The following TMEFF1 variants were observed in gnomAD, a reference collection of about 807,000 sequenced individuals.
TMEFF1 encodes the protein transmembrane protein with EGF like and two follistatin like domains 1.
A neutral mutation model predicts 47.5 loss-of-function variants in TMEFF1; 20 were observed. That is an observed-to-expected ratio of 0.42 (90% CI 0.30 to 0.61). The LOEUF is 0.61. Ranked by LOEUF, TMEFF1 falls within the 20% of genes least tolerant of loss-of-function variation. The pLI is 0.19. For missense variants in TMEFF1, 411 were observed against 471.1 expected (o/e 0.87, Z 1.18); for synonymous variants, 162 against 166.3 (o/e 0.97, Z 0.20).
intron 5 of TMEFF1, among the ~76,000 whole-genome samples, chr9:100,530,958 G>T (rs1337915536): frequency 6.6e-6 from 1 of 151,762 alleles, no homozygotes; most frequent in Non-Finnish European, 1.5e-5. Context: ...ATGTAATCCA[G>T]CATATAAACA....
At chr9:100,508,513 G>C (rs368484849) in intron 2 of TMEFF1, among the ~76,000 whole-genome samples, 1 of 151,018 alleles carries the variant, frequency 6.6e-6, no homozygotes, top group Non-Finnish European at 1.5e-5. Flanking sequence ...TTTCCTACTC[G>C]TATGACTCTC....
chr9:100,547,250 A>G (rs995346893), intron 5 of TMEFF1, among the ~76,000 whole-genome samples: 1 of 152,078 alleles, frequency 6.6e-6, no homozygotes, highest in African/African-American at 2.4e-5. Context: ...TCCTGGGCTC[A>G]AGTGATTCTC....
Position 100,473,580 on chromosome 9 carries a change from G to T in TMEFF1, c.36G>T (p.Leu12=), listed in dbSNP as rs903749769. The part of the protein sequence containing the change: ...GAAAAEAPLR[L]PAAPPLAFCC... ...CAGCCGCTGAGGCGCCGCTCCGGCT[G>T]CCTGCCGCGCCTCCGCTCGCCTTCT... Residue 12 remains leucine, a synonymous_variant, in exon 1 of 10, where the codon CTG becomes CTT. Coordinates refer to ENST00000374879, the MANE Select transcript of TMEFF1 (RefSeq NM_003692.5). The surrounding 1 kb of genome is among the most constrained non-coding windows in gnomAD (Gnocchi z 5.4). 1.9e-6 allele frequency: 3 copies of T among 1,547,424 alleles called. No homozygotes were observed. Among genetic ancestry groups the T allele is most frequent in the Middle Eastern group, 1.8e-4 (1 of 5,546 alleles).
At chr9:100,502,445 G>A (rs1297217470) in intron 2 of TMEFF1, among the ~76,000 whole-genome samples, 2 of 151,846 alleles carry the variant, frequency 1.3e-5, no homozygotes, top group Non-Finnish European at 2.9e-5. Flanking sequence ...CTGTAGCCTT[G>A]ACCTCCTGGG....
rs988382466 is a variant in TMEFF1, at chr9:100,533,944, C to G, written c.561-13800C>G. Among the ~76,000 whole-genome samples, 6 of 152,210 alleles carry G rather than the reference C, an allele frequency of 3.9e-5. No individual in the cohort carries two copies. The South Asian group carries it at 1.0e-3, about 26-fold the overall frequency. On this transcript the variant is annotated intron_variant, in intron 5 of 9. Coordinates refer to ENST00000374879, the MANE Select transcript of TMEFF1 (RefSeq NM_003692.5). ...ATGTTGGCCAGGATGGTCTTGATCT[C>G]CTGACCTCATGATCCACCCACCTCG...
chr9:100,555,845 A>G lies in TMEFF1; in HGVS notation c.776-5552A>G, dbSNP rs375868655. ...TTAATTGAGTGCCCTACTATGTGCC[A>G]GGTGCTTTCACATATTTATGTTATT... On this transcript the variant is annotated intron_variant, in intron 7 of 9. Transcript: ENST00000374879. Among the ~76,000 whole-genome samples, 154 of 152,294 alleles carry G rather than the reference A, an allele frequency of 1.0e-3. 1 individual carries two copies. Among genetic ancestry groups the G allele is most frequent in the African/African-American group, 3.5e-3 (147 of 41,566 alleles).
intron 1 of TMEFF1, among the ~76,000 whole-genome samples, chr9:100,482,991 A>C (rs1337297691): frequency 6.6e-6 from 1 of 150,588 alleles, no homozygotes. Flanking sequence ...TTTTTTTCTT[A>C]ATTTTATCCC....
chr9:100,519,541 AGT>A (rs1022741786), intron 5 of TMEFF1, among the ~76,000 whole-genome samples: 21 of 151,694 alleles, frequency 1.4e-4, no homozygotes, highest in African/African-American at 4.6e-4. Context: ...TTAATAGTAC[AGT>A]GCTTTTCTTA....
At chr9:100,484,130 G>A (rs1240266568) in intron 1 of TMEFF1, among the ~76,000 whole-genome samples, 2 of 150,560 alleles carry the variant, frequency 1.3e-5, no homozygotes, top group Non-Finnish European at 3.0e-5. Flanking sequence ...TTAGGTGTTG[G>A]GATTTGTCTC....
At chr9:100,501,834 G>A (rs890709249) in intron 2 of TMEFF1, among the ~76,000 whole-genome samples, 2 of 152,024 alleles carry the variant, frequency 1.3e-5, no homozygotes, top group African/African-American at 4.8e-5. Flanking sequence ...TAGTAGAGAC[G>A]GGATTTCACC....
chr9:100,530,272 C>G (rs1210374332), intron 5 of TMEFF1, among the ~76,000 whole-genome samples: 1 of 152,054 alleles, frequency 6.6e-6, no homozygotes, highest in Non-Finnish European at 1.5e-5. Context: ...ACAAAAAACC[C>G]TTCAAAAAAT....
At chr9:100,509,804 C>T (rs952419457) in intron 3 of TMEFF1, among the ~76,000 whole-genome samples, 4 of 150,320 alleles carry the variant, frequency 2.7e-5, no homozygotes, top group Non-Finnish European at 3.0e-5. Context: ...TGAGGAATTT[C>T]TGTAGAAAGT....
chr9:100,519,440 A>T (rs927272643), intron 5 of TMEFF1, among the ~76,000 whole-genome samples: 6 of 151,844 alleles, frequency 4.0e-5, no homozygotes, highest in Non-Finnish European at 7.4e-5. Context: ...TAAATAATAA[A>T]AAATTTATCT....
intron 8 of TMEFF1, among the ~76,000 whole-genome samples, chr9:100,561,747 A>G (rs1839020277): frequency 6.6e-6 from 1 of 152,064 alleles, no homozygotes; most frequent in Admixed American, 6.5e-5. Flanking sequence ...TAAATATAAT[A>G]CTATACATTT....
At chr9:100,532,374 T>C (rs1838401461) in intron 5 of TMEFF1, among the ~76,000 whole-genome samples, 1 of 152,018 alleles carries the variant, frequency 6.6e-6, no homozygotes, top group South Asian at 2.1e-4. Flanking sequence ...GAATCTACAA[T>C]GAACTCCAAC....
At chr9:100,554,143 T>G (rs1055001246) in intron 7 of TMEFF1, among the ~76,000 whole-genome samples, 1 of 152,202 alleles carries the variant, frequency 6.6e-6, no homozygotes, top group Non-Finnish European at 1.5e-5. Context: ...TCTCTCCTCC[T>G]GCAGCTGGCC....
chr9:100,571,186 G>T (rs1407542147), intron 8 of TMEFF1, among the ~76,000 whole-genome samples: 1 of 151,984 alleles, frequency 6.6e-6, no homozygotes, highest in Non-Finnish European at 1.5e-5. Flanking sequence ...ATAATTTGGT[G>T]CTATGTTCAG....
chr9:100,557,481 T>C (rs1044461820), intron 7 of TMEFF1, among the ~76,000 whole-genome samples: 6 of 152,202 alleles, frequency 3.9e-5, no homozygotes, highest in African/African-American at 1.4e-4. Context: ...CTTTGACATA[T>C]ACCCTTCGCC....
chr9:100,544,297 G>T (rs1838693045), intron 5 of TMEFF1, among the ~76,000 whole-genome samples: 1 of 152,142 alleles, frequency 6.6e-6, no homozygotes, highest in Admixed American at 6.5e-5. Context: ...GGGTTTAATT[G>T]GATTCACAGT....
Sources: gnomAD v4.1 joint callset for allele counts (sites outside exome capture counted in the v4.1 genomes callset) on GRCh38, gnomAD v4.1.1 for gene constraint, Gnocchi (gnomAD v3.1) non-coding constraint, MANE v1.5 for transcripts, NCBI Gene and HGNC (gene_info 2026-07-23, HGNC 2026-07-21) for gene names.